The following CSMD1 variants were observed in gnomAD, a reference collection of about 807,000 sequenced individuals.
CSMD1 encodes the protein CUB and sushi domain-containing protein 1.
A neutral mutation model predicts 417.5 loss-of-function variants in CSMD1; 213 were observed. That is an observed-to-expected ratio of 0.51 (90% confidence interval 0.46 to 0.57). The LOEUF (loss-of-function observed/expected upper bound fraction) is 0.57, where lower values mean the gene tolerates loss of function less well. CSMD1 is among the 20% of genes least tolerant of loss of function. The pLI is 0.00. For missense variants in CSMD1, 6,923 were observed against 4,529.7 expected (o/e 1.53, Z -15.17); for synonymous variants, 2,862 against 1,736.8 (o/e 1.65, Z -16.11).
intron 2 of CSMD1, among the ~76,000 whole-genome samples, chr8:4,456,561 G>C (rs1194297373): frequency 6.6e-6 from 1 of 152,128 alleles, no homozygotes; most frequent in Non-Finnish European, 1.5e-5. Flanking sequence ...GGGTAGAACT[G>C]AAAACAGCCC....
chr8:4,109,431 T>C (rs141114769), intron 3 of CSMD1, among the ~76,000 whole-genome samples: 79 of 152,308 alleles, frequency 5.2e-4, no homozygotes, highest in African/African-American at 1.8e-3. Context: ...GAAAGTTTCA[T>C]CTATTTGGGA....
intron 3 of CSMD1, among the ~76,000 whole-genome samples, chr8:4,195,216 C>G (rs988638838): frequency 2.0e-5 from 3 of 152,176 alleles, no homozygotes; most frequent in Admixed American, 6.5e-5. Flanking sequence ...TGGGTGCATA[C>G]ATTCGATTTC....
chr8:2,951,013 C>T (rs779266367), intron 66 of CSMD1, 101 bp downstream of exon 66: 9 of 1,198,236 alleles, frequency 7.5e-6, no homozygotes, highest in Admixed American at 2.8e-5. Context: ...GCCAACAGAA[C>T]AGTAATAAGT....
intron 5 of CSMD1, among the ~76,000 whole-genome samples, chr8:3,883,740 C>G (rs954681042): frequency 5.3e-5 from 8 of 151,874 alleles, no homozygotes; most frequent in African/African-American, 1.9e-4. Context: ...TTCATTGAAA[C>G]AACTGAAACC....
At chr8:4,565,153 C>T (rs368837680) in intron 2 of CSMD1, among the ~76,000 whole-genome samples, 2 of 152,190 alleles carry the variant, frequency 1.3e-5, no homozygotes, top group Non-Finnish European at 2.9e-5. Context: ...CAGCCTCAGA[C>T]TGATTTGACT....
chr8:2,991,481 C>G (rs1280935074), intron 54 of CSMD1, among the ~76,000 whole-genome samples: 1 of 152,056 alleles, frequency 6.6e-6, no homozygotes, highest in Non-Finnish European at 1.5e-5. Flanking sequence ...CAGATATGGC[C>G]TTATCCTAAG....
At chr8:4,164,321 A>G (rs1797333760) in intron 3 of CSMD1, among the ~76,000 whole-genome samples, 1 of 152,180 alleles carries the variant, frequency 6.6e-6, no homozygotes, top group Non-Finnish European at 1.5e-5. Flanking sequence ...TCTACATTTA[A>G]AAACATATCT....
intron 3 of CSMD1, among the ~76,000 whole-genome samples, chr8:4,215,191 A>T (rs1414577650): frequency 6.6e-6 from 1 of 152,240 alleles, no homozygotes; most frequent in Non-Finnish European, 1.5e-5. Context: ...TGTCCACGGC[A>T]TAAAGGCTTA....
chr8:4,129,412 G>A (rs1385826775), intron 3 of CSMD1, among the ~76,000 whole-genome samples: 1 of 151,934 alleles, frequency 6.6e-6, no homozygotes, highest in East Asian at 1.9e-4. Flanking sequence ...TCCTTTCTTG[G>A]CTAATTTCCT....
At chr8:4,077,225 T>G (rs1054747640) in intron 3 of CSMD1, among the ~76,000 whole-genome samples, 2 of 148,602 alleles carry the variant, frequency 1.3e-5, no homozygotes, top group African/African-American at 5.0e-5. Flanking sequence ...TCTGTGAATT[T>G]CAGCTACTCC....
chr8:4,667,404 T>C (rs78996694), intron 1 of CSMD1, among the ~76,000 whole-genome samples: 2 of 152,126 alleles, frequency 1.3e-5, no homozygotes, highest in African/African-American at 4.8e-5. Flanking sequence ...TGCTGATATT[T>C]TGATTTGGAT....
chr8:3,972,072 T>A (rs968678078), intron 5 of CSMD1, among the ~76,000 whole-genome samples: 4 of 152,130 alleles, frequency 2.6e-5, no homozygotes, highest in Non-Finnish European at 4.4e-5. Context: ...GGGCTCTGTA[T>A]GTTGCCCAGG....
chr8:3,396,035 A>G (rs1811671654), intron 17 of CSMD1, among the ~76,000 whole-genome samples, 159 bp downstream of exon 17: 1 of 152,204 alleles, frequency 6.6e-6, no homozygotes, highest in Non-Finnish European at 1.5e-5. Context: ...TCTCTTATGA[A>G]TAACAGAAAG....
rs551422859 is a variant in CSMD1 at position 3,971,605 on chromosome 8, G to A, written c.818+26298C>T. Among the ~76,000 whole-genome samples the A allele has an allele frequency of 4.0e-4, 61 of 152,080 alleles. 2 individuals are homozygous for A. The highest frequency in any genetic ancestry group is 3.0e-3 in the Admixed American group (46 of 15,276). ...TTTGTAGAATATGTTCAGTTTTGAC[G>A]GTCACTTCTACTTCTATTTCCTCAA... On this transcript the variant is annotated intron_variant, in intron 5 of 69. Coordinates refer to ENST00000635120, the MANE Select transcript of CSMD1 (RefSeq NM_033225.6).
At chr8:3,875,422 T>C (rs1585125024) in intron 5 of CSMD1, among the ~76,000 whole-genome samples, 1 of 152,076 alleles carries the variant, frequency 6.6e-6, no homozygotes, top group African/African-American at 2.4e-5. Context: ...TTGGAGGAGT[T>C]CCTGCAGGAG....
At chr8:4,020,446 T>C (rs772381100) in intron 4 of CSMD1, among the ~76,000 whole-genome samples, 1 of 152,220 alleles carries the variant, frequency 6.6e-6, no homozygotes, top group East Asian at 1.9e-4. Flanking sequence ...CTATTGATAT[T>C]ATAGGATAGG....
chr8:4,082,077 A>T (rs941718822), intron 3 of CSMD1, among the ~76,000 whole-genome samples: 1 of 152,146 alleles, frequency 6.6e-6, no homozygotes, highest in African/African-American at 2.4e-5. Context: ...TAATTGATGA[A>T]GATTACTGAG....
At chr8:4,438,385 A>G (rs1176452831) in intron 2 of CSMD1, among the ~76,000 whole-genome samples, 7 of 152,134 alleles carry the variant, frequency 4.6e-5, no homozygotes, top group African/African-American at 1.7e-4. Context: ...ATGCAGCTTA[A>G]TTATAAATAC....
intron 3 of CSMD1, among the ~76,000 whole-genome samples, chr8:4,304,191 G>A (rs963920698): frequency 6.6e-6 from 1 of 152,140 alleles, no homozygotes; most frequent in Non-Finnish European, 1.5e-5. Context: ...GGGAGAATAA[G>A]CCAGTTTTGA....
Sources: allele counts gnomAD v4.1 joint callset (sites outside exome capture counted in the v4.1 genomes callset), GRCh38; gene constraint gnomAD v4.1.1; transcripts MANE v1.5; gene names NCBI Gene and HGNC (gene_info 2026-07-23, HGNC 2026-07-21).